The following GRIK4 variants were observed in gnomAD, a reference collection of about 807,000 sequenced individuals.
The protein encoded by GRIK4 is glutamate receptor ionotropic, kainate 4.
A neutral mutation model predicts 104.9 loss-of-function variants in GRIK4; 40 were observed. That is an observed-to-expected ratio of 0.38 (90% CI 0.30 to 0.50). GRIK4 has a LOEUF of 0.50. Among genes scored for constraint, GRIK4 ranks in the 20% least tolerant of loss-of-function variants. GRIK4 has a pLI of 0.93. For synonymous variants in GRIK4, 485 were observed against 524.9 expected (o/e 0.92, Z 1.04); for missense variants, 1,047 against 1,308.1 (o/e 0.80, Z 3.08).
intron 1 of GRIK4, among the ~76,000 whole-genome samples, chr11:120,608,073 C>A (rs1591734391): frequency 6.6e-6 from 1 of 152,076 alleles, no homozygotes; most frequent in Non-Finnish European, 1.5e-5. Context: ...GGAGCAGAAG[C>A]CAGAGAGGCA....
intron 4 of GRIK4, among the ~76,000 whole-genome samples, chr11:120,806,277 C>T (rs12294427): frequency 2.6e-5 from 4 of 152,162 alleles, no homozygotes; most frequent in African/African-American, 4.8e-5. Context: ...GGGCTGTTCT[C>T]GAGTGGCCTG....
chr11:120,655,452 G>C (rs1949692109), intron 2 of GRIK4, among the ~76,000 whole-genome samples: 1 of 152,168 alleles, frequency 6.6e-6, no homozygotes, highest in Non-Finnish European at 1.5e-5. Flanking sequence ...TTATCCATTA[G>C]ATTGAGGGGA....
intron 8 of GRIK4, among the ~76,000 whole-genome samples, chr11:120,861,546 A>C (rs115439843): frequency 6.6e-6 from 1 of 152,058 alleles, no homozygotes; most frequent in African/African-American, 2.4e-5. Flanking sequence ...TGCCCTATAC[A>C]TGGGGATTTC....
At chr11:120,625,554 G>C (rs1949247751) in intron 1 of GRIK4, among the ~76,000 whole-genome samples, 1 of 151,998 alleles carries the variant, frequency 6.6e-6, no homozygotes, top group Non-Finnish European at 1.5e-5. Context: ...TGATTAGTCA[G>C]CTCTTCCGTG....
chr11:120,529,017 T>A (rs10892584), intron 1 of GRIK4, among the ~76,000 whole-genome samples: 3 of 151,988 alleles, frequency 2.0e-5, no homozygotes, highest in Admixed American at 1.3e-4. Flanking sequence ...TGCTGTTCAC[T>A]CTGCCTGCAA....
rs1346610064 is a variant in GRIK4, at chr11:120,874,169, C to T, written c.1010C>T (p.Ser337Leu). ...EIGVKPLSCG[S>L]AQIWQHGTSL... ...GGCGTGAAGCCCTTGTCCTGCGGCTCGGCCCAGATCTGGCAGCACGGCACC... is the reference window on the plus strand; with the variant it reads ...GGCGTGAAGCCCTTGTCCTGCGGCTTGGCCCAGATCTGGCAGCACGGCACC... The change falls in exon 10 of 21, where the codon TCG becomes TTG. Residue 337 changes from serine (S) to leucine (L), a missense_variant. Ser to Leu is a moderately radical substitution (Grantham distance 145). Coordinates refer to ENST00000527524, the MANE Select transcript of GRIK4 (RefSeq NM_014619.5). 3.1e-6 allele frequency: 5 copies of T among 1,613,508 alleles called. No homozygotes were observed. The highest frequency in any genetic ancestry group is 1.6e-4 in the Middle Eastern group (1 of 6,084).
Position 120,524,945 on chromosome 11 carries a change from G to A in GRIK4, c.-159+13058G>A, listed in dbSNP as rs567840750. Among the ~76,000 whole-genome samples the A allele has an allele frequency of 9.2e-5, 14 of 152,262 alleles. No homozygotes were observed. Among genetic ancestry groups the A allele is most frequent in the Admixed American group, 2.6e-4 (4 of 15,290 alleles). ...GAGCTGAGGTCCTAGTCCACCTTCC[G>A]TCTTCTTGGCTTCTGGAGCCCATCA... On this transcript the variant is annotated intron_variant, in intron 1 of 20. Coordinates refer to ENST00000527524, the MANE Select transcript of GRIK4 (RefSeq NM_014619.5). This position sits in a 1 kb window ranked among gnomAD's most constrained non-coding sequence, Gnocchi z 4.5.
intron 1 of GRIK4, among the ~76,000 whole-genome samples, chr11:120,619,358 G>C (rs1403213285): frequency 6.6e-6 from 1 of 152,170 alleles, no homozygotes; most frequent in Non-Finnish European, 1.5e-5. Context: ...GATTTTACAG[G>C]CTCATAGGCA....
chr11:120,917,103 T>C (rs1943119956), intron 13 of GRIK4, among the ~76,000 whole-genome samples: 1 of 151,640 alleles, frequency 6.6e-6, no homozygotes, highest in African/African-American at 2.4e-5. Flanking sequence ...AAAAATTAGC[T>C]GGGCATGGTG....
At chr11:120,825,236 T>C (rs1225992791) in intron 6 of GRIK4, among the ~76,000 whole-genome samples, 1 of 152,206 alleles carries the variant, frequency 6.6e-6, no homozygotes, top group Non-Finnish European at 1.5e-5. Flanking sequence ...TCTTTCTGAA[T>C]ATTTTAATGT....
At chr11:120,923,268 A>G (rs1943262077) in intron 13 of GRIK4, among the ~76,000 whole-genome samples, 1 of 152,286 alleles carries the variant, frequency 6.6e-6, no homozygotes, top group South Asian at 2.1e-4. Context: ...GTTGCGGCCC[A>G]AAGCAGAGGC....
At chr11:120,979,555 G>A (rs576854831) in intron 19 of GRIK4, among the ~76,000 whole-genome samples, 111 of 152,246 alleles carry the variant, frequency 7.3e-4, no homozygotes, top group African/African-American at 2.4e-3. Context: ...CAAAAAGCTC[G>A]GCCATGGAAG....
intron 3 of GRIK4, among the ~76,000 whole-genome samples, chr11:120,702,513 G>A (rs937332620): frequency 6.6e-6 from 1 of 152,174 alleles, no homozygotes; most frequent in African/African-American, 2.4e-5. Context: ...CACGAGACTG[G>A]GTTTGTACAG....
rs1944017181 is a variant in GRIK4 at position 120,952,191 on chromosome 11, A to G, written c.1591-664A>G. On this transcript the variant is annotated intron_variant, in intron 14 of 20. Transcript: ENST00000527524. This position sits in a 1 kb window ranked among gnomAD's most constrained non-coding sequence, Gnocchi z 5.2. The stretch of plus-strand genomic sequence containing the variant: ...CTTGCAACGTGTTTTCCCACGGTGC[A>G]GTGGAGTGAGCCCTGGGCTTTGAGT... Among the ~76,000 whole-genome samples the G allele has an allele frequency of 6.6e-6, 1 of 152,186 alleles. No homozygotes were observed. The highest frequency in any genetic ancestry group is 2.4e-5 in the African/African-American group (1 of 41,456).
chr11:120,769,040 G>C (rs2135453339), intron 3 of GRIK4, among the ~76,000 whole-genome samples: 1 of 152,228 alleles, frequency 6.6e-6, no homozygotes, highest in Non-Finnish European at 1.5e-5. Context: ...AGTATCAAAA[G>C]GATGGTCTTG....
At chr11:120,770,861 A>T (rs1388923801) in intron 3 of GRIK4, among the ~76,000 whole-genome samples, 1 of 152,216 alleles carries the variant, frequency 6.6e-6, no homozygotes, top group Non-Finnish European at 1.5e-5. Context: ...TGGATGTGCT[A>T]CCTATGAACC....
chr11:120,578,868 C>T (rs954497799), intron 1 of GRIK4, among the ~76,000 whole-genome samples: 1 of 152,184 alleles, frequency 6.6e-6, no homozygotes, highest in Non-Finnish European at 1.5e-5. Context: ...GGGAGGGTTG[C>T]AACTGTCTCC....
intron 1 of GRIK4, among the ~76,000 whole-genome samples, chr11:120,543,498 C>T (rs1482326974): frequency 1.4e-5 from 2 of 138,766 alleles, no homozygotes. Context: ...TTACTTGAAC[C>T]CGGGAGGCGG....
At chr11:120,576,062 A>G (rs1948479819) in intron 1 of GRIK4, among the ~76,000 whole-genome samples, 1 of 152,052 alleles carries the variant, frequency 6.6e-6, no homozygotes, top group South Asian at 2.1e-4. Flanking sequence ...ACAAAGTGTG[A>G]GTGGCCATAA....
Sources: allele counts gnomAD v4.1 joint callset (sites outside exome capture counted in the v4.1 genomes callset), GRCh38; gene constraint gnomAD v4.1.1; non-coding constraint Gnocchi (gnomAD v3.1); transcripts MANE v1.5; gene names NCBI Gene and HGNC (gene_info 2026-07-23, HGNC 2026-07-21).